Variants in NCK1 observed in about 807,000 individuals in gnomAD.
The protein encoded by NCK1 is NCK adaptor protein 1, also known as SH2/SH3 adapter protein NCK1.
Under a neutral mutation model 36.6 loss-of-function variants are expected in NCK1, and 19 were observed. That is an observed-to-expected ratio of 0.52 (90% CI 0.36 to 0.76). The LOEUF is 0.76. Ranked by LOEUF, NCK1 falls within the 30% of genes least tolerant of loss-of-function variation. NCK1 has a pLI of 0.00. For missense variants in NCK1, 358 were observed against 445.6 expected (o/e 0.80, Z 1.77); for synonymous variants, 165 against 156.0 (o/e 1.06, Z -0.43).
At chr3:136,940,791 C>T (rs531898273) in intron 2 of NCK1, among the ~76,000 whole-genome samples, 10 of 152,184 alleles carry the variant, frequency 6.6e-5, no homozygotes, top group African/African-American at 2.2e-4. Flanking sequence ...GTGATCCACC[C>T]GCCTCGGCTT....
chr3:136,890,248 GC>G (rs931612661), intron 1 of NCK1, among the ~76,000 whole-genome samples: 1 of 152,098 alleles, frequency 6.6e-6, no homozygotes, highest in Non-Finnish European at 1.5e-5. Flanking sequence ...CGGGTGCTAA[GC>G]CCCCCACTGT....
At chr3:136,937,184 T>C (rs573225980) in intron 2 of NCK1, among the ~76,000 whole-genome samples, 7 of 152,214 alleles carry the variant, frequency 4.6e-5, no homozygotes, top group Admixed American at 1.3e-4. Context: ...TTTATAGATA[T>C]CCATTTGTTC....
At chr3:136,919,639 A>G in intron 1 of NCK1, among the ~76,000 whole-genome samples, 1 of 152,212 alleles carries the variant, frequency 6.6e-6, no homozygotes, top group Non-Finnish European at 1.5e-5. Flanking sequence ...TTCTTTCCCA[A>G]ACTACTTTTA....
At chr3:136,880,437 G>A (rs906341163) in intron 1 of NCK1, among the ~76,000 whole-genome samples, 1 of 152,074 alleles carries the variant, frequency 6.6e-6, no homozygotes, top group Non-Finnish European at 1.5e-5. Flanking sequence ...GAACACCAGG[G>A]AGAAGATGAC....
intron 1 of NCK1, among the ~76,000 whole-genome samples, chr3:136,889,487 A>G (rs1939174129): frequency 6.6e-6 from 1 of 152,096 alleles, no homozygotes; most frequent in Non-Finnish European, 1.5e-5. Context: ...AGCAGTAGCA[A>G]GATTTATTGC....
intron 1 of NCK1, among the ~76,000 whole-genome samples, chr3:136,868,314 T>C (rs1938508000): frequency 6.6e-6 from 1 of 152,146 alleles, no homozygotes; most frequent in South Asian, 2.1e-4. Flanking sequence ...AAAATAATAT[T>C]GTCATGTTTA....
intron 3 of NCK1, among the ~76,000 whole-genome samples, chr3:136,948,039 G>A (rs1940873353): frequency 6.6e-6 from 1 of 152,054 alleles, no homozygotes; most frequent in Non-Finnish European, 1.5e-5. Context: ...TAACTAGATG[G>A]ATGATATTGG....
chr3:136,876,001 A>G (rs1298913097), intron 1 of NCK1, among the ~76,000 whole-genome samples: 1 of 151,978 alleles, frequency 6.6e-6, no homozygotes, highest in Non-Finnish European at 1.5e-5. Flanking sequence ...TAAGAATCTC[A>G]CTCAAAACCG....
chr3:136,863,713 A>G (rs1425944822), intron 1 of NCK1, among the ~76,000 whole-genome samples: 4 of 152,174 alleles, frequency 2.6e-5, no homozygotes, highest in Non-Finnish European at 1.5e-5. Context: ...TAAAATGTGT[A>G]CTTATTTTTC....
chr3:136,909,807 A>G (rs1939786768), intron 1 of NCK1, among the ~76,000 whole-genome samples: 1 of 152,096 alleles, frequency 6.6e-6, no homozygotes, highest in African/African-American at 2.4e-5. Flanking sequence ...GCTATATTAA[A>G]CTTTTTATTA....
At chr3:136,916,793 TAA>T (rs1027640113) in intron 1 of NCK1, among the ~76,000 whole-genome samples, 2 of 152,186 alleles carry the variant, frequency 1.3e-5, no homozygotes, top group Non-Finnish European at 2.9e-5. Flanking sequence ...TGATACTCAA[TAA>T]AAGAGACTTT....
At chr3:136,927,559 G>C (rs1001933541) in intron 1 of NCK1, among the ~76,000 whole-genome samples, 1 of 151,778 alleles carries the variant, frequency 6.6e-6, no homozygotes, top group African/African-American at 2.4e-5. Flanking sequence ...TTCTCCCTCT[G>C]TCGCCAGGCT....
In NCK1 at chr3:136,870,687, TAA is replaced by T. The variant is rs11332327; in HGVS notation, c.-19+8353_-19+8354del. Among the ~76,000 whole-genome samples the T allele has an allele frequency of 6.8e-3, 838 of 123,352 alleles. 6 individuals carry two copies. Among genetic ancestry groups the T allele is most frequent in the East Asian group, 0.023 (95 of 4,182 alleles). 80.9% of individuals were successfully genotyped at this position (123,352 alleles called of 152,430 possible). A position where few individuals can be genotyped will look rare whatever the true frequency, so the allele number is the denominator to read the frequency against. ...CTTTTCATTTCTTAGCTATAGTCTT[TAA>T]AAAAAAAAAAAAAAAAAAGGCCTGT... On this transcript the variant is annotated intron_variant, in intron 1 of 3. Transcript: ENST00000481752.
intron 2 of NCK1, among the ~76,000 whole-genome samples, chr3:136,940,273 A>G (rs1352720386): frequency 6.6e-6 from 1 of 152,144 alleles, no homozygotes; most frequent in Admixed American, 6.5e-5. Context: ...GATATTCTCT[A>G]TATGTCTATT....
chr3:136,934,926 G>A (rs557377377), intron 2 of NCK1, among the ~76,000 whole-genome samples: 15 of 152,276 alleles, frequency 9.9e-5, no homozygotes, highest in Non-Finnish European at 4.4e-5. Context: ...GTCAGGAAGT[G>A]CTATGACCTG....
At chr3:136,873,122 A>G (rs1938674581) in intron 1 of NCK1, among the ~76,000 whole-genome samples, 1 of 152,126 alleles carries the variant, frequency 6.6e-6, no homozygotes, top group Non-Finnish European at 1.5e-5. Context: ...AGCTTGCACC[A>G]TGCGCCTGGA....
At chr3:136,923,080 G>C (rs902250676) in intron 1 of NCK1, among the ~76,000 whole-genome samples, 2 of 151,986 alleles carry the variant, frequency 1.3e-5, no homozygotes, top group Non-Finnish European at 2.9e-5. Context: ...AAAAGATTCA[G>C]GCAATATAGT....
intron 1 of NCK1, among the ~76,000 whole-genome samples, chr3:136,897,499 T>A (rs1312305500): frequency 1.3e-5 from 2 of 152,354 alleles, no homozygotes; most frequent in Non-Finnish European, 2.9e-5. Flanking sequence ...TTTTTTCATA[T>A]ACTTGTTTGC....
At chr3:136,873,215 C>T (rs1938677092) in intron 1 of NCK1, among the ~76,000 whole-genome samples, 1 of 152,162 alleles carries the variant, frequency 6.6e-6, no homozygotes, top group East Asian at 1.9e-4. Context: ...TCAGAGGTGC[C>T]CAAGACCATG....
Sources: gnomAD v4.1 joint callset for allele counts (sites outside exome capture counted in the v4.1 genomes callset) on GRCh38, gnomAD v4.1.1 for gene constraint, MANE v1.5 for transcripts, NCBI Gene and HGNC (gene_info 2026-07-23, HGNC 2026-07-21) for gene names.